ANK3: variants seen among roughly 807,000 people sequenced by gnomAD.
The protein encoded by ANK3 is ankyrin 3.
In ANK3, 57 loss-of-function variants were observed where a neutral mutation model predicts 370.9. The observed-to-expected ratio is 0.15, with a 90% CI of 0.12 to 0.19. The LOEUF (loss-of-function observed/expected upper bound fraction) is 0.19, where lower values mean the gene tolerates loss of function less well. ANK3 is among the 10% of genes least tolerant of loss of function. The probability of loss-of-function intolerance (pLI) is 1.00; values close to 1 mark genes in which losing one functional copy is unlikely to be tolerated. For missense variants in ANK3, 4,439 were observed against 5,302.1 expected (o/e 0.84, Z 5.06); for synonymous variants, 1,929 against 1,946.3 (o/e 0.99, Z 0.23).
At chr10:60,163,520 A>G (rs1193918825) in intron 23 of ANK3, among the ~76,000 whole-genome samples, 1 of 152,008 alleles carries the variant, frequency 6.6e-6, no homozygotes, top group East Asian at 1.9e-4. Context: ...CTTAATTTTT[A>G]TTTTTTTGAG....
chr10:60,684,422 T>C (rs887752865), intron 1 of ANK3: 27 of 767,406 alleles, frequency 3.5e-5, no homozygotes, highest in Non-Finnish European at 5.3e-5. Flanking sequence ...TAGTCAATCT[T>C]ATAGTTGGAT....
intron 21 of ANK3, among the ~76,000 whole-genome samples, chr10:60,169,210 G>A (rs530619139): frequency 5.5e-4 from 83 of 152,144 alleles, no homozygotes; most frequent in African/African-American, 2.0e-3. Flanking sequence ...AGCATCCGTT[G>A]TTTTTTGACT....
At chr10:60,444,556 GC>G (rs1185768359) in intron 2 of ANK3, among the ~76,000 whole-genome samples, 7 of 151,716 alleles carry the variant, frequency 4.6e-5, no homozygotes, top group Non-Finnish European at 2.9e-5. Flanking sequence ...CCACTTTTCT[GC>G]CTTTTAATTT....
intron 23 of ANK3, among the ~76,000 whole-genome samples, chr10:60,160,594 A>G (rs952019934): frequency 5.3e-5 from 8 of 151,960 alleles, no homozygotes; most frequent in Non-Finnish European, 1.0e-4. Context: ...AAAGACACAC[A>G]CACACAAAAG....
In ANK3 at chr10:60,070,090, C is replaced by T. The variant is rs1289398387; in HGVS notation, c.10791G>A (p.Glu3597=). ...TPTDESTPTS[E]PNPFPFHEGK... ...CTTCATGAAATGGGAAGGGGTTAGG[C>T]TCACTAGTTGGGGTACTTTCATCAG... The change falls in exon 37 of 44, where the codon GAG becomes GAA. Residue 3597 remains glutamate, a synonymous_variant. Transcript: ENST00000280772. This position sits in a 1 kb window ranked among gnomAD's most constrained non-coding sequence, Gnocchi z 5.7. 6.2e-7 allele frequency: 1 copy of T among 1,614,028 alleles called. No individual in the cohort carries two copies. Among genetic ancestry groups the T allele is most frequent in the African/African-American group, 1.3e-5 (1 of 74,932 alleles).
At chr10:60,076,850 T>A (rs1324932230) in intron 36 of ANK3, among the ~76,000 whole-genome samples, 4 of 152,226 alleles carry the variant, frequency 2.6e-5, no homozygotes, top group African/African-American at 7.2e-5. Flanking sequence ...GTAGCCATTC[T>A]ATTTTGCCTG....
At chr10:60,365,798 AAC>A (rs2059310018) in intron 1 of ANK3, among the ~76,000 whole-genome samples, 1 of 152,180 alleles carries the variant, frequency 6.6e-6, no homozygotes, top group South Asian at 2.1e-4. Flanking sequence ...GTTAGTAAGC[AAC>A]AGAGGTGAGA....
intron 2 of ANK3, among the ~76,000 whole-genome samples, chr10:60,521,805 A>G (rs1051821557): frequency 6.6e-6 from 1 of 152,118 alleles, no homozygotes; most frequent in African/African-American, 2.4e-5. Flanking sequence ...TACCCCAAAA[A>G]AGCAATGACA....
intron 2 of ANK3, among the ~76,000 whole-genome samples, chr10:60,603,240 C>G (rs2078088298): frequency 6.6e-6 from 1 of 152,128 alleles, no homozygotes; most frequent in Non-Finnish European, 1.5e-5. Flanking sequence ...AGTGCACTGA[C>G]ATAGCATATG....
upstream of ANK3, among the ~76,000 whole-genome samples, chr10:60,392,963 A>G (rs10821747): frequency 0.36 from 55,363 of 151,944 alleles, 10,929 homozygotes; most frequent in Middle Eastern, 0.49. Flanking sequence ...AAAAGAAAAA[A>G]AAAGCTAAGG....
intron 2 of ANK3, among the ~76,000 whole-genome samples, chr10:60,596,770 A>C (rs2077993719): frequency 6.6e-6 from 1 of 152,206 alleles, no homozygotes; most frequent in Non-Finnish European, 1.5e-5. Context: ...CTGATTAAAA[A>C]AATGCAACTA....
intron 1 of ANK3, among the ~76,000 whole-genome samples, chr10:60,718,121 A>G (rs756780924): frequency 3.3e-5 from 5 of 152,200 alleles, no homozygotes; most frequent in Admixed American, 6.5e-5. Context: ...AGACTTAGCT[A>G]TTTGTTACAA....
chr10:60,712,689 AC>A (rs1362377178), intron 1 of ANK3, among the ~76,000 whole-genome samples: 2 of 152,140 alleles, frequency 1.3e-5, no homozygotes, highest in African/African-American at 4.8e-5. Context: ...AAAAAAGAAC[AC>A]CCAACTATAT....
At chr10:60,328,829 A>G (rs531080086) in intron 1 of ANK3, among the ~76,000 whole-genome samples, 1 of 152,270 alleles carries the variant, frequency 6.6e-6, no homozygotes, top group Admixed American at 6.5e-5. Flanking sequence ...CACAACAACA[A>G]AAAAAGAAAA....
intron 12 of ANK3, among the ~76,000 whole-genome samples, chr10:60,201,087 C>T (rs2096666248): frequency 6.6e-6 from 1 of 152,216 alleles, no homozygotes; most frequent in Admixed American, 6.5e-5. Flanking sequence ...TTGGTCTTTG[C>T]TTTATAGGCC....
chr10:60,160,408 A>C (rs985734551), intron 23 of ANK3, among the ~76,000 whole-genome samples: 2 of 152,142 alleles, frequency 1.3e-5, no homozygotes, highest in African/African-American at 4.8e-5. Flanking sequence ...TATAAGTAGT[A>C]ATAAAAAGTC....
chr10:60,334,406 G>A (rs940106575), intron 1 of ANK3, among the ~76,000 whole-genome samples: 3 of 152,166 alleles, frequency 2.0e-5, no homozygotes, highest in Admixed American at 1.3e-4. Flanking sequence ...TTACTACCGT[G>A]GTTAAAATTT....
intron 8 of ANK3, among the ~76,000 whole-genome samples, chr10:60,213,929 T>C (rs2096895195): frequency 6.6e-6 from 1 of 152,172 alleles, no homozygotes; most frequent in Admixed American, 6.5e-5. Flanking sequence ...TGTAATTTTA[T>C]GCTTGAAGGT....
chr10:60,398,704 A>G (rs985684819), intron 2 of ANK3, among the ~76,000 whole-genome samples: 1 of 152,204 alleles, frequency 6.6e-6, no homozygotes, highest in African/African-American at 2.4e-5. Context: ...CATAATCCAA[A>G]CATTATTTAA....
Sources: gnomAD v4.1 joint callset for allele counts (sites outside exome capture counted in the v4.1 genomes callset) on GRCh38, gnomAD v4.1.1 for gene constraint, Gnocchi (gnomAD v3.1) non-coding constraint, MANE v1.5 for transcripts, NCBI Gene and HGNC (gene_info 2026-07-23, HGNC 2026-07-21) for gene names.